Variants in UNC5D observed in about 807,000 individuals in gnomAD.
The protein encoded by UNC5D is netrin receptor UNC5D.
In UNC5D, 39 loss-of-function variants were observed where a neutral mutation model predicts 105.4. That is an observed-to-expected ratio of 0.37 (90% CI 0.29 to 0.48). The LOEUF is 0.48. UNC5D is among the 20% of genes least tolerant of loss of function. The pLI is 0.98. For missense variants in UNC5D, 991 were observed against 1,202.4 expected (o/e 0.82, Z 2.60); for synonymous variants, 452 against 450.4 (o/e 1.00, Z -0.04).
At chr8:35,718,830 C>G (rs573999611) in intron 8 of UNC5D, among the ~76,000 whole-genome samples, 5 of 151,942 alleles carry the variant, frequency 3.3e-5, no homozygotes, top group South Asian at 4.2e-4. Context: ...GAGTAGGGGT[C>G]GGGGGGTATA....
At chr8:35,685,501 A>T (rs1396097479) in intron 6 of UNC5D, among the ~76,000 whole-genome samples, 1 of 152,036 alleles carries the variant, frequency 6.6e-6, no homozygotes, top group Non-Finnish European at 1.5e-5. Flanking sequence ...CTAGAGTCTC[A>T]TGTCTTTATA....
At chr8:35,459,954 G>T (rs193253297) in intron 1 of UNC5D, among the ~76,000 whole-genome samples, 1 of 152,098 alleles carries the variant, frequency 6.6e-6, no homozygotes, top group African/African-American at 2.4e-5. Flanking sequence ...AAACTGGAGG[G>T]GTCTAACCTT....
intron 1 of UNC5D, among the ~76,000 whole-genome samples, chr8:35,468,612 G>C (rs1357456682): frequency 6.6e-6 from 1 of 152,140 alleles, no homozygotes; most frequent in Non-Finnish European, 1.5e-5. Flanking sequence ...GTTTAAACGT[G>C]GAGGACAGAA....
chr8:35,255,338 TC>T (rs1185275478), intron 1 of UNC5D: 4 of 152,178 alleles, frequency 2.6e-5, no homozygotes, highest in African/African-American at 9.6e-5. Flanking sequence ...CACCCATCCA[TC>T]ATAGTGACTC....
chr8:35,625,098 T>G (rs1821625271), intron 4 of UNC5D, among the ~76,000 whole-genome samples: 1 of 152,212 alleles, frequency 6.6e-6, no homozygotes, highest in African/African-American at 2.4e-5. Context: ...CCATTTCGTT[T>G]TCAGCCCTGA....
intron 16 of UNC5D, among the ~76,000 whole-genome samples, chr8:35,781,039 T>C (rs1802479301): frequency 6.6e-6 from 1 of 152,206 alleles, no homozygotes; most frequent in Non-Finnish European, 1.5e-5. Flanking sequence ...AGGGAGATAG[T>C]ATTATACATC....
At chr8:35,652,854 T>A (rs114212323) in intron 4 of UNC5D, among the ~76,000 whole-genome samples, 1,846 of 151,616 alleles carry the variant, frequency 0.012, 26 homozygotes, top group African/African-American at 0.025. Context: ...CTGAACTACT[T>A]CTTCTCCAAC....
At chr8:35,756,863 C>T (rs914678803) in intron 13 of UNC5D, among the ~76,000 whole-genome samples, 28 of 152,028 alleles carry the variant, frequency 1.8e-4, no homozygotes, top group Admixed American at 1.4e-3. Context: ...TTCCTGGCGT[C>T]GACTACTTCA....
At chr8:35,376,392 T>G (rs2128928767) in intron 1 of UNC5D, among the ~76,000 whole-genome samples, 1 of 152,262 alleles carries the variant, frequency 6.6e-6, no homozygotes, top group East Asian at 1.9e-4. Context: ...TGATCCTGTT[T>G]CTGAAAAGTC....
intron 1 of UNC5D, among the ~76,000 whole-genome samples, chr8:35,349,708 A>AT: frequency 6.6e-6 from 1 of 151,988 alleles, no homozygotes; most frequent in Non-Finnish European, 1.5e-5. Flanking sequence ...TTAGTTTATA[A>AT]CTCAGTCACA....
intron 1 of UNC5D, among the ~76,000 whole-genome samples, chr8:35,388,959 G>A (rs1167655253): frequency 6.6e-6 from 1 of 152,104 alleles, no homozygotes; most frequent in Non-Finnish European, 1.5e-5. Context: ...AATAAGTAAG[G>A]CATTTTTTTC....
chr8:35,484,396 C>T (rs1810694681), intron 1 of UNC5D, among the ~76,000 whole-genome samples: 1 of 152,172 alleles, frequency 6.6e-6, no homozygotes, highest in African/African-American at 2.4e-5. Context: ...CCACACCAAT[C>T]TATCAGCATG....
intron 2 of UNC5D, among the ~76,000 whole-genome samples, chr8:35,556,487 A>G (rs1372963475): frequency 2.0e-5 from 3 of 152,116 alleles, no homozygotes; most frequent in African/African-American, 7.2e-5. Context: ...GAATTCAGGG[A>G]AAGTCCACAG....
chr8:35,513,829 G>A (rs1165772908), intron 1 of UNC5D, among the ~76,000 whole-genome samples: 1 of 152,156 alleles, frequency 6.6e-6, no homozygotes, highest in African/African-American at 2.4e-5. Flanking sequence ...CATTAAACAG[G>A]TTCTTTTAAA....
intron 1 of UNC5D, among the ~76,000 whole-genome samples, chr8:35,302,030 T>A (rs1281052801): frequency 6.6e-6 from 1 of 152,018 alleles, no homozygotes; most frequent in Non-Finnish European, 1.5e-5. Context: ...GGCGAGGCCA[T>A]GAGTTAGAGC....
intron 4 of UNC5D, among the ~76,000 whole-genome samples, chr8:35,599,581 A>T (rs1819713255): frequency 1.3e-5 from 2 of 152,190 alleles, no homozygotes; most frequent in Admixed American, 6.5e-5. Flanking sequence ...TAGTCTGCTA[A>T]TTATATTGAT....
At chr8:35,580,691 C>T (rs1201163311) in intron 3 of UNC5D, among the ~76,000 whole-genome samples, 1 of 152,080 alleles carries the variant, frequency 6.6e-6, no homozygotes, top group East Asian at 1.9e-4. Context: ...ACGTGAAGGG[C>T]TCCATCGACT....
chr8:35,512,029 G>A (rs1025287019), intron 1 of UNC5D, among the ~76,000 whole-genome samples: 4 of 152,080 alleles, frequency 2.6e-5, no homozygotes, highest in Admixed American at 6.6e-5. Flanking sequence ...TTGAAATGAT[G>A]TTGAGATATT....
At chr8:35,543,563 T>A (rs1283112454) in intron 1 of UNC5D, among the ~76,000 whole-genome samples, 1 of 152,252 alleles carries the variant, frequency 6.6e-6, no homozygotes, top group African/African-American at 2.4e-5. Flanking sequence ...TTAATTGGAA[T>A]TTTAGTTGTT....
Sources: allele counts gnomAD v4.1 joint callset (sites outside exome capture counted in the v4.1 genomes callset), GRCh38; gene constraint gnomAD v4.1.1; transcripts MANE v1.5; gene names NCBI Gene and HGNC (gene_info 2026-07-23, HGNC 2026-07-21).